The following CHD2 variants were observed in gnomAD, a reference collection of about 807,000 sequenced individuals.
CHD2 encodes chromodomain helicase DNA binding protein 2.
Under a neutral mutation model 243.9 loss-of-function variants are expected in CHD2, and 28 were observed. The observed-to-expected ratio is 0.11, with a 90% CI of 0.09 to 0.16. The LOEUF (loss-of-function observed/expected upper bound fraction) is 0.16. CHD2 is among the 10% of genes least tolerant of loss of function. CHD2 has a pLI of 1.00. For missense variants in CHD2, 1,386 were observed against 2,209.8 expected, an observed-to-expected ratio of 0.63 and a Z score of 7.47; for synonymous variants, 775 against 779.0, an observed-to-expected ratio of 0.99 and a Z score of 0.09.
chr15:93,009,204 G>A lies in CHD2; in HGVS notation c.4473G>A (p.Lys1491=), dbSNP rs1006680244. 2 of 1,614,196 alleles carry A rather than the reference G, an allele frequency of 1.2e-6. No individual in the cohort carries two copies. Among genetic ancestry groups the A allele is most frequent in the Non-Finnish European group, 8.5e-7 (1 of 1,180,032 alleles). The change falls in exon 35 of 39, where the codon AAG becomes AAA. Residue 1491 remains lysine, a synonymous_variant. Coordinates refer to ENST00000394196, the MANE Select transcript of CHD2 (RefSeq NM_001271.4). The part of the protein sequence containing the change: ...KALKQLDKPD[K]GLNVQEQLEH... ...TGAAACAGCTCGACAAACCTGACAA[G>A]GGGCTCAACGTGCAAGAACAGCTGG... is the stretch of plus-strand genomic sequence containing the variant.
At chr15:92,931,902 C>T (rs528002767) in intron 5 of CHD2, among the ~76,000 whole-genome samples, 4 of 137,430 alleles carry the variant, frequency 2.9e-5, no homozygotes, top group South Asian at 2.3e-4. Flanking sequence ...CTGGCTTTGT[C>T]GCCAGGCTGG....
At chr15:92,990,594 T>C (rs1328613004) in intron 26 of CHD2, among the ~76,000 whole-genome samples, 3 of 152,250 alleles carry the variant, frequency 2.0e-5, no homozygotes, top group Non-Finnish European at 4.4e-5. Flanking sequence ...TTTGTTCATA[T>C]ATAATACTTT....
At chr15:92,983,667 T>C (rs1173647040) in intron 24 of CHD2, among the ~76,000 whole-genome samples, 3 of 152,254 alleles carry the variant, frequency 2.0e-5, no homozygotes, top group Non-Finnish European at 4.4e-5. Context: ...TGGCTTTCTT[T>C]CTGGGATACC....
intron 13 of CHD2, chr15:92,950,365 T>C (rs866784846): frequency 6.6e-6 from 1 of 152,222 alleles, no homozygotes; most frequent in Non-Finnish European, 1.5e-5. Flanking sequence ...TGCGGATCCA[T>C]TAGTCCTCGA....
intron 7 of CHD2, among the ~76,000 whole-genome samples, chr15:92,940,499 GTTTAC>G (rs1187168703): frequency 3.3e-5 from 5 of 151,862 alleles, no homozygotes; most frequent in African/African-American, 4.8e-5. Context: ...AACACTAGTA[GTTTAC>G]TTTATAGAAA....
At chr15:92,982,868 CG>C (rs2053997063) in intron 24 of CHD2, among the ~76,000 whole-genome samples, 1 of 152,056 alleles carries the variant, frequency 6.6e-6, no homozygotes, top group South Asian at 2.1e-4. Flanking sequence ...TATTAGTGTT[CG>C]TCATAGTCGG....
intron 12 of CHD2, chr15:92,946,553 C>T (rs1229002149): frequency 6.4e-6 from 1 of 157,004 alleles, no homozygotes; most frequent in Admixed American, 6.4e-5. Flanking sequence ...CTGGCACTAT[C>T]TTGGCTAACT....
At chr15:92,906,735 C>T (rs989638071) in intron 2 of CHD2, among the ~76,000 whole-genome samples, 1 of 143,230 alleles carries the variant, frequency 7.0e-6, no homozygotes, top group African/African-American at 2.6e-5. Flanking sequence ...ACTTTGCTTC[C>T]TTGAAGAACT....
intron 22 of CHD2, among the ~76,000 whole-genome samples, chr15:92,979,553 A>G (rs1330830002): frequency 6.6e-6 from 1 of 151,760 alleles, no homozygotes; most frequent in Non-Finnish European, 1.5e-5. Context: ...CAGCAACAGC[A>G]GTGGAGTTGT....
intron 5 of CHD2, among the ~76,000 whole-genome samples, chr15:92,931,448 T>G (rs1471008637): frequency 6.6e-6 from 1 of 152,126 alleles, no homozygotes; most frequent in Non-Finnish European, 1.5e-5. Flanking sequence ...GGTGCAACCT[T>G]GGCTCTCTGC....
chr15:92,910,203 T>C (rs2052706033), intron 2 of CHD2, among the ~76,000 whole-genome samples: 1 of 151,848 alleles, frequency 6.6e-6, no homozygotes, highest in Non-Finnish European at 1.5e-5. Context: ...AGAGGGGGTT[T>C]CGCCACGTTT....
At chr15:92,983,993 AAAT>A (rs1450749740) in intron 24 of CHD2, among the ~76,000 whole-genome samples, 1 of 152,068 alleles carries the variant, frequency 6.6e-6, no homozygotes, top group Non-Finnish European at 1.5e-5. Context: ...TTTAAAATCT[AAAT>A]AAATCTAAAT....
In CHD2 at chr15:93,004,657, G is replaced by A. The variant is rs374157769; in HGVS notation, c.4319G>A (p.Arg1440Gln). 2.5e-6 allele frequency: 4 copies of A among 1,612,952 alleles called. No individual in the cohort carries two copies. The highest frequency in any genetic ancestry group is 1.7e-6 in the Non-Finnish European group (2 of 1,179,340). Residue 1440 changes from arginine to glutamine, a missense_variant, in exon 34 of 39, where the codon CGA becomes CAA. Transcript: ENST00000394196. ...GDAKSSSKSK[R>Q]SQGPVHITAG... Reference sequence around the variant, plus strand: ...GCCAAATCTTCGAGTAAATCAAAGCGATCTCAGGGTCCTGTCCATATTACA... The same window carrying A: ...GCCAAATCTTCGAGTAAATCAAAGCAATCTCAGGGTCCTGTCCATATTACA...
chr15:93,013,431 ATAAC>A (rs1252376244), intron 36 of CHD2, among the ~76,000 whole-genome samples: 1 of 152,244 alleles, frequency 6.6e-6, no homozygotes, highest in African/African-American at 2.4e-5. Context: ...ATCAGAATGA[ATAAC>A]AAAACAGTAT....
intron 22 of CHD2, 48 bp from the exon 23 acceptor site, chr15:92,980,767 C>A: frequency 1.5e-6 from 2 of 1,352,750 alleles, no homozygotes; most frequent in Non-Finnish European, 2.1e-6. Context: ...AAGTAGAACA[C>A]TTTAGAGGTT....
intron 36 of CHD2, among the ~76,000 whole-genome samples, chr15:93,013,376 TC>T (rs1269221036): frequency 4.6e-5 from 7 of 152,050 alleles, no homozygotes; most frequent in Non-Finnish European, 7.4e-5. Flanking sequence ...AGGAAGAGGG[TC>T]TGAAGTTGGA....
intron 37 of CHD2, among the ~76,000 whole-genome samples, chr15:93,017,524 T>C (rs1337267553): frequency 6.7e-6 from 1 of 148,298 alleles, no homozygotes; most frequent in Admixed American, 6.8e-5. Flanking sequence ...TTTTTTGTAT[T>C]TTTGTACAGA....
At chr15:92,926,206 C>G (rs1230823380) in intron 3 of CHD2, among the ~76,000 whole-genome samples, 1 of 152,196 alleles carries the variant, frequency 6.6e-6, no homozygotes, top group Non-Finnish European at 1.5e-5. Flanking sequence ...CTCCTGAACT[C>G]AAGCCATTCT....
chr15:92,936,446 C>T (rs1299136041), intron 5 of CHD2, among the ~76,000 whole-genome samples: 1 of 152,192 alleles, frequency 6.6e-6, no homozygotes, highest in African/African-American at 2.4e-5. Context: ...TTTCTTCCCT[C>T]TTCTCTGTAG....
Sources: gnomAD v4.1 joint callset for allele counts (sites outside exome capture counted in the v4.1 genomes callset) on GRCh38, gnomAD v4.1.1 for gene constraint, MANE v1.5 for transcripts, NCBI Gene and HGNC (gene_info 2026-07-23, HGNC 2026-07-21) for gene names.